The following DNM3 variants were observed in gnomAD, a reference collection of about 807,000 sequenced individuals.
DNM3 encodes dynamin-3.
Under a neutral mutation model 101.6 loss-of-function variants are expected in DNM3, and 47 were observed. That is an observed-to-expected ratio of 0.46 (90% CI 0.37 to 0.59). The LOEUF (loss-of-function observed/expected upper bound fraction) is 0.59. DNM3 is among the 20% of genes least tolerant of loss of function. The probability of loss-of-function intolerance (pLI) is 0.00; values close to 1 mark genes in which losing one functional copy is unlikely to be tolerated. For synonymous variants in DNM3, 385 were observed against 387.9 expected (o/e 0.99, Z 0.09); for missense variants, 849 against 1,085.7 (o/e 0.78, Z 3.06).
chr1:172,180,176 T>C (rs2059294855), intron 14 of DNM3, among the ~76,000 whole-genome samples: 1 of 152,050 alleles, frequency 6.6e-6, no homozygotes, highest in Non-Finnish European at 1.5e-5. Context: ...GGTCTCAAGA[T>C]CAGTAAATTA....
At chr1:172,333,590 G>A (rs937673858) in intron 17 of DNM3, among the ~76,000 whole-genome samples, 9 of 152,038 alleles carry the variant, frequency 5.9e-5, no homozygotes, top group Non-Finnish European at 7.4e-5. Context: ...TTTTCATTTT[G>A]TTTATCATGC....
At chr1:172,236,186 T>G (rs2061538749) in intron 14 of DNM3, among the ~76,000 whole-genome samples, 1 of 152,184 alleles carries the variant, frequency 6.6e-6, no homozygotes, top group Non-Finnish European at 1.5e-5. Flanking sequence ...TCTACCATGT[T>G]AGTCTACTCT....
At chr1:171,859,952 T>G (rs577582274) in intron 1 of DNM3, among the ~76,000 whole-genome samples, 1 of 152,230 alleles carries the variant, frequency 6.6e-6, no homozygotes, top group East Asian at 1.9e-4. Flanking sequence ...AGTCAGTGTC[T>G]CCAGAGCTCA....
chr1:172,056,335 C>A (rs2050616808), intron 10 of DNM3, among the ~76,000 whole-genome samples: 2 of 152,200 alleles, frequency 1.3e-5, no homozygotes, highest in Non-Finnish European at 2.9e-5. Flanking sequence ...CTGGGTGGAG[C>A]CCACCACAGC....
intron 1 of DNM3, among the ~76,000 whole-genome samples, chr1:171,873,789 C>G (rs2125095764): frequency 6.6e-6 from 1 of 152,342 alleles, no homozygotes; most frequent in South Asian, 2.1e-4. Context: ...CTGTCCCTTT[C>G]TTTTTCCCCT....
chr1:172,194,173 G>C (rs1247460097), intron 14 of DNM3, among the ~76,000 whole-genome samples: 7 of 152,122 alleles, frequency 4.6e-5, no homozygotes, highest in Non-Finnish European at 1.5e-5. Context: ...GAGCGGTTTT[G>C]AGTGAGTTTC....
chr1:172,078,245 A>T (rs1444095684), intron 11 of DNM3, among the ~76,000 whole-genome samples: 1 of 152,082 alleles, frequency 6.6e-6, no homozygotes, highest in East Asian at 1.9e-4. Flanking sequence ...GGCACCTGCC[A>T]CCACACCCAG....
intron 12 of DNM3, among the ~76,000 whole-genome samples, chr1:172,083,288 T>A (rs749705829): frequency 6.6e-6 from 1 of 151,968 alleles, no homozygotes; most frequent in Non-Finnish European, 1.5e-5. Flanking sequence ...GGGGGGGGAA[T>A]GTAGAAAAAG....
At chr1:172,340,431 C>T (rs192874630) in intron 17 of DNM3, among the ~76,000 whole-genome samples, 29 of 152,310 alleles carry the variant, frequency 1.9e-4, no homozygotes, top group Admixed American at 1.7e-3. Flanking sequence ...TTTCTGTCTC[C>T]CATACTGGTC....
At chr1:172,324,087 A>T (rs2065842594) in intron 17 of DNM3, among the ~76,000 whole-genome samples, 1 of 152,226 alleles carries the variant, frequency 6.6e-6, no homozygotes, top group Non-Finnish European at 1.5e-5. Flanking sequence ...TTTCCAAAAG[A>T]TTAGAACTAT....
At chr1:172,246,376 A>AT (rs971930270) in intron 14 of DNM3, among the ~76,000 whole-genome samples, 36 of 151,620 alleles carry the variant, frequency 2.4e-4, no homozygotes, top group African/African-American at 5.8e-4. Context: ...ACTTGTCAGA[A>AT]TTTTTTTTTA....
chr1:171,923,754 G>A (rs918463937), intron 2 of DNM3, among the ~76,000 whole-genome samples: 4 of 152,138 alleles, frequency 2.6e-5, no homozygotes, highest in Non-Finnish European at 4.4e-5. Context: ...TAATGCTGAG[G>A]TTTGGGTTTC....
At position 172,235,920 on chromosome 1, in the gene DNM3, C is replaced by T. The variant is rs979926254; in HGVS notation, c.1660-17653C>T. Among the ~76,000 whole-genome samples, 71 of 152,006 alleles carry T rather than the reference C, an allele frequency of 4.7e-4. 1 individual carries two copies. The highest frequency in any genetic ancestry group is 1.0e-4 in the Non-Finnish European group (7 of 68,000). On this transcript the variant is annotated intron_variant, in intron 14 of 20. Transcript: ENST00000627582. ...ACATGACGAGTTAATGGGTGCAGCA[C>T]ACCAACATGACACATGTATACATAT...
rs367590053 is a variant in DNM3 at position 171,979,407 on chromosome 1, G to A, written c.236-8249G>A. On this transcript the variant is annotated intron_variant, in intron 2 of 20. Transcript: ENST00000627582. ...TGCACTGCCATGTTTGTTGTAGCAT[G>A]GTTCACAATAGCTAAGATTTGGAAT... Among the ~76,000 whole-genome samples, 53 of 152,238 alleles carry A rather than the reference G, an allele frequency of 3.5e-4. 1 individual carries two copies. The South Asian group carries it at 0.011, about 32-fold the overall frequency.
intron 2 of DNM3, among the ~76,000 whole-genome samples, chr1:171,972,107 G>C (rs970154628): frequency 1.3e-5 from 2 of 152,158 alleles, no homozygotes; most frequent in Non-Finnish European, 2.9e-5. Flanking sequence ...AATCATTTCT[G>C]TATCCTTAAG....
intron 4 of DNM3, among the ~76,000 whole-genome samples, chr1:172,026,074 A>G (rs1015228054): frequency 2.0e-5 from 3 of 152,140 alleles, no homozygotes; most frequent in Non-Finnish European, 4.4e-5. Context: ...ATTTTAGAGG[A>G]ATTGCTAACT....
Position 172,311,213 on chromosome 1 carries a change from G to A in DNM3, c.1881+2374G>A, listed in dbSNP as rs1351400613. 5.3e-5 allele frequency: 8 copies of A among 152,004 alleles called. No homozygotes were observed. In the East Asian group the frequency reaches 1.4e-3, roughly 26 times the overall value. The allele number at this position is 152,004 out of a possible 1,614,324, so 9.4% of individuals were successfully genotyped here. ...TACTTTCTTTAACAGCTAGGGGAAG[G>A]TTGAAATACTGTGAATATTATCATA... On this transcript the variant is annotated intron_variant, in intron 16 of 20. Coordinates refer to ENST00000627582, the MANE Select transcript of DNM3 (RefSeq NM_015569.5).
intron 4 of DNM3, among the ~76,000 whole-genome samples, chr1:172,009,329 G>A (rs936282780): frequency 6.7e-6 from 1 of 149,876 alleles, no homozygotes; most frequent in Non-Finnish European, 1.5e-5. Flanking sequence ...TTTTATCATT[G>A]TTTTTTAAAA....
chr1:172,389,143 C>A, intron 20 of DNM3: 1 of 310,066 alleles, frequency 3.2e-6, no homozygotes, highest in Non-Finnish European at 6.0e-6. Context: ...GCTGTGTGTT[C>A]TATAGGTCAT....
Sources: allele counts gnomAD v4.1 joint callset (sites outside exome capture counted in the v4.1 genomes callset), GRCh38; gene constraint gnomAD v4.1.1; transcripts MANE v1.5; gene names NCBI Gene and HGNC (gene_info 2026-07-23, HGNC 2026-07-21).